Variants in DHRSX observed in about 807,000 individuals in gnomAD.
DHRSX encodes the protein dehydrogenase/reductase X-linked.
In DHRSX, 31 loss-of-function variants were observed where a neutral mutation model predicts 34.0. The observed-to-expected ratio is 0.91, with a 90% CI of 0.69 to 1.23. The LOEUF (loss-of-function observed/expected upper bound fraction) is 1.23, where lower values mean the gene tolerates loss of function less well. Ranked by LOEUF, DHRSX falls within the 50% of genes most tolerant of loss-of-function variation. DHRSX has a pLI of 0.00. For missense variants in DHRSX, 414 were observed against 428.1 expected (o/e 0.97, Z 0.29); for synonymous variants, 201 against 183.8 (o/e 1.09, Z -0.76).
At chrX:2,323,793 G>C (rs1325262012) in intron 3 of DHRSX, among the ~76,000 whole-genome samples, 2 of 150,212 alleles carry the variant, frequency 1.3e-5, no homozygotes, top group Non-Finnish European at 3.0e-5. Flanking sequence ...TATCGTCACA[G>C]TAATGAGAGG....
At chrX:2,485,989 AG>A (rs2044917157) in intron 1 of DHRSX, among the ~76,000 whole-genome samples, 1 of 151,210 alleles carries the variant, frequency 6.6e-6, no homozygotes, top group South Asian at 2.1e-4. Context: ...GGAGGAGGGA[AG>A]GAAGAGACCA....
At chrX:2,427,001 T>C (rs1161459923) in intron 1 of DHRSX, among the ~76,000 whole-genome samples, 1 of 152,216 alleles carries the variant, frequency 6.6e-6, no homozygotes, top group East Asian at 1.9e-4. Context: ...GACATTTGGT[T>C]CCCCTGGGAA....
At chrX:2,499,362 G>C (rs1427447066) in intron 1 of DHRSX, among the ~76,000 whole-genome samples, 1 of 151,170 alleles carries the variant, frequency 6.6e-6, no homozygotes, top group Non-Finnish European at 1.5e-5. Context: ...CCCTCTGAAC[G>C]CTCTGTTTTG....
In DHRSX at chrX:2,266,841, C is replaced by A. The variant is rs2041481660; in HGVS notation, c.495G>T (p.Thr165=). 1 of 1,613,952 alleles carries A rather than the reference C, an allele frequency of 6.2e-7. No homozygotes were observed. The highest frequency in any genetic ancestry group is 1.1e-5 in the South Asian group (1 of 91,076). ...HFLLTNLLLD[T]LKESGSPGHS... is the part of the protein sequence containing the mutation. The stretch of plus-strand genomic sequence containing the variant: ...GGCCAGGGGACCCAGACTCTTTCAG[C>A]GTATCCAAGAGAAGGTTGGTCAGCA... Residue 165 remains threonine, a synonymous_variant, in exon 5 of 7, where the codon ACG becomes ACT. Coordinates refer to ENST00000334651, the MANE Select transcript of DHRSX (RefSeq NM_145177.3).
intron 3 of DHRSX, among the ~76,000 whole-genome samples, chrX:2,367,299 G>A (rs779408054): frequency 4.9e-4 from 74 of 152,028 alleles, no homozygotes; most frequent in African/African-American, 1.6e-3. Context: ...TTAGCCACGC[G>A]TGGTGGTAGG....
chrX:2,309,300 T>A (rs1267635222), intron 3 of DHRSX, among the ~76,000 whole-genome samples: 1 of 152,066 alleles, frequency 6.6e-6, no homozygotes, highest in Non-Finnish European at 1.5e-5. Context: ...AGGTGGTTTG[T>A]TTTGTGAAAT....
At chrX:2,423,798 A>G (rs930644350) in intron 2 of DHRSX, among the ~76,000 whole-genome samples, 12 of 152,150 alleles carry the variant, frequency 7.9e-5, no homozygotes, top group African/African-American at 2.9e-4. Context: ...CTGTCCTCAT[A>G]TTCCCAGTTG....
At chrX:2,357,184 C>T (rs1187879086) in intron 3 of DHRSX, among the ~76,000 whole-genome samples, 2 of 152,064 alleles carry the variant, frequency 1.3e-5, no homozygotes, top group African/African-American at 4.8e-5. Context: ...GCGGAGATTG[C>T]AGTGAGCTAA....
At chrX:2,466,079 C>T (rs1348236720) in intron 1 of DHRSX, among the ~76,000 whole-genome samples, 3 of 152,130 alleles carry the variant, frequency 2.0e-5, no homozygotes, top group African/African-American at 4.8e-5. Context: ...CTCAACAGGA[C>T]GCCATGTAGA....
chrX:2,322,918 TTTG>T (rs770162492), intron 3 of DHRSX, among the ~76,000 whole-genome samples: 22 of 151,926 alleles, frequency 1.4e-4, no homozygotes, highest in East Asian at 3.9e-4. Context: ...ACTCTAGTTT[TTTG>T]TTGTTGTTGT....
intron 5 of DHRSX, among the ~76,000 whole-genome samples, chrX:2,254,953 C>T (rs919927097): frequency 2.3e-4 from 33 of 145,652 alleles, no homozygotes; most frequent in African/African-American, 7.8e-4. Context: ...CACGCCCCCC[C>T]CCTTTTTTTT....
At chrX:2,253,934 G>T (rs1176002988) in intron 5 of DHRSX, among the ~76,000 whole-genome samples, 1 of 152,078 alleles carries the variant, frequency 6.6e-6, no homozygotes, top group Non-Finnish European at 1.5e-5. Flanking sequence ...GGTGGCAGAC[G>T]CCTGTAGTCC....
chrX:2,397,844 G>A (rs1227079884), intron 3 of DHRSX, among the ~76,000 whole-genome samples: 1 of 152,116 alleles, frequency 6.6e-6, no homozygotes, highest in East Asian at 1.9e-4. Flanking sequence ...TGCCCCAGGT[G>A]TGCCGGCAAG....
At chrX:2,314,216 A>G (rs866312900) in intron 3 of DHRSX, among the ~76,000 whole-genome samples, 10 of 12,870 alleles carry the variant, frequency 7.8e-4, no homozygotes, top group African/African-American at 2.9e-3. Context: ...GAGGGAGGGA[A>G]GGAGGGAAGG....
chrX:2,225,724 C>A (rs2015643955), intron 6 of DHRSX, among the ~76,000 whole-genome samples: 1 of 151,172 alleles, frequency 6.6e-6, no homozygotes, highest in South Asian at 2.1e-4. Context: ...CACAGAGGGA[C>A]AACCCTGTGA....
chrX:2,300,103 C>T (rs889118461), intron 3 of DHRSX, among the ~76,000 whole-genome samples: 12 of 152,268 alleles, frequency 7.9e-5, no homozygotes, highest in Middle Eastern at 3.4e-3. Context: ...CGATAGAGAA[C>T]ATCATTATGG....
intron 1 of DHRSX, among the ~76,000 whole-genome samples, chrX:2,479,165 C>T (rs2044729833): frequency 6.6e-6 from 1 of 151,502 alleles, no homozygotes; most frequent in Admixed American, 6.6e-5. Flanking sequence ...GCCCTGTACA[C>T]ACTGAAGACG....
At chrX:2,222,849 C>T (rs933567053) in intron 6 of DHRSX, among the ~76,000 whole-genome samples, 8 of 152,168 alleles carry the variant, frequency 5.3e-5, no homozygotes, top group Admixed American at 2.0e-4. Flanking sequence ...GCCAGTGTGA[C>T]GTGGAAAGGC....
chrX:2,262,524 C>T (rs992042519), intron 5 of DHRSX, among the ~76,000 whole-genome samples: 7 of 152,204 alleles, frequency 4.6e-5, no homozygotes, highest in East Asian at 1.9e-4. Context: ...GGCACGCATG[C>T]ACCTCACCTG....
Sources: gnomAD v4.1 joint callset for allele counts (sites outside exome capture counted in the v4.1 genomes callset) on GRCh38, gnomAD v4.1.1 for gene constraint, MANE v1.5 for transcripts, NCBI Gene and HGNC (gene_info 2026-07-23, HGNC 2026-07-21) for gene names.